CNOT6L: variants seen among roughly 807,000 people sequenced by gnomAD.
The protein encoded by CNOT6L is CCR4-NOT transcription complex subunit 6 like, also known as CCR4-NOT transcription complex subunit 6-like.
In CNOT6L, 7 loss-of-function variants were observed where a neutral mutation model predicts 64.0. The observed-to-expected ratio is 0.11, with a 90% CI of 0.06 to 0.21. The LOEUF is 0.21. Among genes scored for constraint, CNOT6L ranks in the 10% least tolerant of loss-of-function variants. CNOT6L has a pLI of 1.00. For synonymous variants in CNOT6L, 193 were observed against 243.4 expected, an observed-to-expected ratio of 0.79 and a Z score of 1.93; for missense variants, 245 against 669.0, an observed-to-expected ratio of 0.37 and a Z score of 6.99.
chr4:77,722,567 CT>C (rs1721397101), intron 11 of CNOT6L, among the ~76,000 whole-genome samples: 1 of 152,140 alleles, frequency 6.6e-6, no homozygotes, highest in Admixed American at 6.5e-5. Flanking sequence ...ATCTTACAAC[CT>C]TATTAGAGTG....
At chr4:77,810,062 A>G (rs1179327824) in intron 1 of CNOT6L, among the ~76,000 whole-genome samples, 2 of 152,136 alleles carry the variant, frequency 1.3e-5, no homozygotes, top group Non-Finnish European at 2.9e-5. Flanking sequence ...CGGACTAAAA[A>G]TAATGAAAAC....
intron 3 of CNOT6L, 39 bp from the exon 4 acceptor site, chr4:77,773,205 A>T: frequency 8.2e-7 from 1 of 1,225,790 alleles, no homozygotes; most frequent in Non-Finnish European, 1.1e-6. Flanking sequence ...TTAATATACT[A>T]AGTTTTATTA....
At chr4:77,804,665 C>T (rs1051101707) in intron 1 of CNOT6L, among the ~76,000 whole-genome samples, 2 of 152,032 alleles carry the variant, frequency 1.3e-5, no homozygotes, top group Admixed American at 6.6e-5. Flanking sequence ...TGGAAATGTT[C>T]TGGAATTTGC....
chr4:77,803,024 TAAAC>T (rs575381114), intron 1 of CNOT6L, among the ~76,000 whole-genome samples: 16 of 152,242 alleles, frequency 1.1e-4, no homozygotes, highest in East Asian at 3.9e-4. Flanking sequence ...AGCAAAGTCA[TAAAC>T]AAAGTCAAAA....
Position 77,715,700 on chromosome 4 carries a change from TTC to T in CNOT6L, c.*4729_*4730del, listed in dbSNP as rs1358601274. The stretch of plus-strand genomic sequence containing the variant: ...CCTTCCTGGAAAGAACTGCTTTTTT[TTC>T]TTTCTTTCTGTGAATCTTGTTCAAG... On this transcript the variant is annotated 3_prime_UTR_variant, in exon 12 of 12. Transcript: ENST00000504123. The T allele has an allele frequency of 2.0e-5, 3 of 152,558 alleles. No homozygotes were observed. Among genetic ancestry groups the T allele is most frequent in the African/African-American group, 7.2e-5 (3 of 41,444 alleles). The allele number at this position is 152,558 out of a possible 1,614,324, so 9.5% of individuals were successfully genotyped here.
chr4:77,785,519 GA>G (rs200908481), intron 1 of CNOT6L, among the ~76,000 whole-genome samples: 1 of 147,038 alleles, frequency 6.8e-6, no homozygotes, highest in South Asian at 2.2e-4. Flanking sequence ...ACACGTATCT[GA>G]AAAAAAAACA....
In CNOT6L at chr4:77,759,518, T is replaced by C. The variant is rs139663478; in HGVS notation, c.401-2567A>G. Among the ~76,000 whole-genome samples the C allele has an allele frequency of 7.6e-4, 116 of 151,818 alleles. 3 individuals carry two copies. The East Asian group carries it at 0.022, about 29-fold the overall frequency. ...AGGCAGAGCTTGCAGTGAGCCGAGATTGCGCCACTGCACTCCAGCCTGGGC... is the reference window on the plus strand; with the variant it reads ...AGGCAGAGCTTGCAGTGAGCCGAGACTGCGCCACTGCACTCCAGCCTGGGC... On this transcript the variant is annotated intron_variant, in intron 4 of 11. Transcript: ENST00000504123.
chr4:77,801,560 T>TTGAC (rs1731553382), intron 1 of CNOT6L, among the ~76,000 whole-genome samples: 2 of 151,814 alleles, frequency 1.3e-5, no homozygotes, highest in Non-Finnish European at 2.9e-5. Context: ...AGGAATACAG[T>TTGAC]TTGATATAAT....
chr4:77,789,451 A>G (rs1345369705), intron 1 of CNOT6L, among the ~76,000 whole-genome samples: 2 of 151,916 alleles, frequency 1.3e-5, no homozygotes, highest in Non-Finnish European at 2.9e-5. Flanking sequence ...CTGAGGTGGG[A>G]GGGCTGTTTG....
chr4:77,805,062 G>A (rs1163451498), intron 1 of CNOT6L, among the ~76,000 whole-genome samples: 1 of 151,862 alleles, frequency 6.6e-6, no homozygotes, highest in Non-Finnish European at 1.5e-5. Context: ...TATATAGAGG[G>A]CCAATTTTTC....
At chr4:77,810,276 G>A (rs1732765611) in intron 1 of CNOT6L, among the ~76,000 whole-genome samples, 1 of 152,016 alleles carries the variant, frequency 6.6e-6, no homozygotes, top group Non-Finnish European at 1.5e-5. Context: ...TAAACAAAGG[G>A]TAATCACCAC....
intron 4 of CNOT6L, among the ~76,000 whole-genome samples, chr4:77,766,584 C>T (rs1262184561): frequency 6.6e-6 from 1 of 151,232 alleles, no homozygotes; most frequent in Non-Finnish European, 1.5e-5. Flanking sequence ...GAAATGATTA[C>T]TGCATGTAAA....
rs559331159 is a variant in CNOT6L at position 77,726,273 on chromosome 4, T to C, written c.1349A>G (p.Asn450Ser). ...YNECLMNFSC[N>S]GKNGSSEGRI... ...CCCTTCTGAGCTTCCATTCTTTCCA[T>C]TGCAGCTGAAGTTCATAAGACACTC... Residue 450 changes from asparagine (N) to serine (S), a missense_variant, in exon 11 of 12, where the codon AAT (asparagine) becomes AGT (serine). Physicochemically the swap from Asn to Ser is conservative, Grantham distance 46. This residue lies in a region of CNOT6L where 20 missense variants were observed against 38.3 expected (regional missense o/e 0.52). Coordinates refer to ENST00000504123, the MANE Select transcript of CNOT6L (RefSeq NM_144571.3). 36 of 1,613,890 alleles carry C rather than the reference T, an allele frequency of 2.2e-5. No homozygotes were observed. The highest frequency in any genetic ancestry group is 1.6e-4 in the Middle Eastern group (1 of 6,062).
intron 1 of CNOT6L, among the ~76,000 whole-genome samples, chr4:77,804,679 T>C (rs138714174): frequency 1.5e-3 from 227 of 152,304 alleles, no homozygotes; most frequent in African/African-American, 5.3e-3. Flanking sequence ...AATTTGCTTG[T>C]AGTGGTGGTT....
At chr4:77,807,775 A>T (rs1458125835) in intron 1 of CNOT6L, among the ~76,000 whole-genome samples, 1 of 152,226 alleles carries the variant, frequency 6.6e-6, no homozygotes, top group Non-Finnish European at 1.5e-5. Context: ...TAAAAGTAAT[A>T]GGAAGCAGCA....
At chr4:77,808,904 AG>A (rs1252706987) in intron 1 of CNOT6L, among the ~76,000 whole-genome samples, 11 of 152,160 alleles carry the variant, frequency 7.2e-5, no homozygotes, top group Non-Finnish European at 1.6e-4. Flanking sequence ...ATAGTATAAG[AG>A]TGTTTTAAAT....
At chr4:77,795,942 C>T (rs1440978780) in intron 1 of CNOT6L, among the ~76,000 whole-genome samples, 1 of 151,860 alleles carries the variant, frequency 6.6e-6, no homozygotes, top group Admixed American at 6.6e-5. Flanking sequence ...CAGTGAAATA[C>T]CTAAGGTGGT....
chr4:77,736,090 A>G (rs1185237277), intron 8 of CNOT6L, among the ~76,000 whole-genome samples: 1 of 152,168 alleles, frequency 6.6e-6, no homozygotes, highest in African/African-American at 2.4e-5. Flanking sequence ...TCATGGTTTC[A>G]AAAGTCCAGA....
Position 77,728,841 on chromosome 4 carries a change from A to G in CNOT6L, c.1252+13T>C, listed in dbSNP as rs1195381706. ...TGAAATTGAAAGCAGTGAGGAAATG[A>G]TATTATAAATACCTGAATCTGGCAA... On this transcript the variant is annotated intron_variant, in intron 10 of 11. Transcript: ENST00000504123. 1.2e-6 allele frequency: 2 copies of G among 1,602,476 alleles called. No homozygotes were observed. Among genetic ancestry groups the G allele is most frequent in the Non-Finnish European group, 1.7e-6 (2 of 1,169,630 alleles).
Sources: gnomAD v4.1 joint callset for allele counts (sites outside exome capture counted in the v4.1 genomes callset) on GRCh38, gnomAD v4.1.1 for gene constraint, gnomAD v4.1.1 regional missense constraint, MANE v1.5 for transcripts, NCBI Gene and HGNC (gene_info 2026-07-23, HGNC 2026-07-21) for gene names.